Variants in SREBF1 observed in about 807,000 individuals in gnomAD.
The protein encoded by SREBF1 is sterol regulatory element binding transcription factor 1, also known as sterol regulatory element-binding protein 1.
A neutral mutation model predicts 100.1 loss-of-function variants in SREBF1; 45 were observed. That is an observed-to-expected ratio of 0.45 (90% CI 0.35 to 0.58). SREBF1 has a LOEUF of 0.58. Ranked by LOEUF, SREBF1 falls within the 20% of genes least tolerant of loss-of-function variation. The pLI, the probability that SREBF1 is intolerant of heterozygous loss-of-function variation, is 0.00. For synonymous variants in SREBF1, 657 were observed against 681.8 expected, an observed-to-expected ratio of 0.96 and a Z score of 0.57; for missense variants, 1,324 against 1,539.4, an observed-to-expected ratio of 0.86 and a Z score of 2.34.
chr17:17,816,988 A>T lies in SREBF1; in HGVS notation c.1755T>A (p.His585Gln). Residue 585 changes from histidine (H) to glutamine (Q), a missense_variant, in exon 9 of 19, where the codon CAT becomes CAA. His to Gln is a conservative substitution (Grantham distance 24). Transcript: ENST00000261646. The stretch of plus-strand genomic sequence containing the variant: ...CCAGGTCCAGGTCAGCCTGCTTGCG[A>T]TGCCTCCAGAAGTACACGGCGGGGC... Reference protein sequence around the residue: ...HSGPAVYFWRHRKQADLDLAR... With the variant: ...HSGPAVYFWRQRKQADLDLAR... 6 of 1,613,040 alleles carry T rather than the reference A, an allele frequency of 3.7e-6. No homozygotes were observed. The highest frequency in any genetic ancestry group is 5.1e-6 in the Non-Finnish European group (6 of 1,180,034).
intron 12 of SREBF1, 36 bp downstream of exon 12, chr17:17,815,824 G>A: frequency 3.8e-6 from 6 of 1,594,894 alleles, no homozygotes; most frequent in Non-Finnish European, 4.3e-6. Flanking sequence ...GAGGATGAGG[G>A]ACAGGAGAGG....
At chr17:17,815,156 G>T in intron 13 of SREBF1, 65 bp downstream of exon 13, 1 of 1,482,106 alleles carries the variant, frequency 6.7e-7, no homozygotes, top group Non-Finnish European at 9.4e-7. Flanking sequence ...CAGGGTTGAG[G>T]CCAGAGCTAT....
Position 17,814,903 on chromosome 17 carries a change from CTGT to C in SREBF1, c.2531_2533del (p.Asn844del). ...AGGAGCCCCCGCAGCATCAGAACAGCTGTTCAGCAGCTGCAGGTACCCGAGGGC... is the reference window on the plus strand; with the variant it reads ...AGGAGCCCCCGCAGCATCAGAACAGCTCAGCAGCTGCAGGTACCCGAGGGC... On this transcript the variant is annotated inframe_deletion, in exon 14 of 19. Coordinates refer to ENST00000261646, the MANE Select transcript of SREBF1 (RefSeq NM_004176.5). The C allele has an allele frequency of 6.3e-7, 1 of 1,580,724 alleles. No individual in the cohort carries two copies. The highest frequency in any genetic ancestry group is 8.6e-7 in the Non-Finnish European group (1 of 1,164,004).
intron 1 of SREBF1, among the ~76,000 whole-genome samples, chr17:17,836,451 G>A (rs2035242475): frequency 6.6e-6 from 1 of 152,168 alleles, no homozygotes; most frequent in Non-Finnish European, 1.5e-5. Flanking sequence ...CCCGGCCTGG[G>A]ACGCGTAGAG....
intron 1 of SREBF1, among the ~76,000 whole-genome samples, chr17:17,829,059 G>T (rs2143087324): frequency 6.6e-6 from 1 of 151,728 alleles, no homozygotes; most frequent in East Asian, 1.9e-4. Flanking sequence ...TGGGCGTGGT[G>T]GTATGTGCCT....
Position 17,816,226 on chromosome 17 carries a change from C to G in SREBF1, c.2195G>C (p.Arg732Pro). Reference sequence around the variant, plus strand: ...ACTCACTGTCAGAAAATGCAAGGCCCGTGGGAGACTGGTCTTCACTCTCAA... The same window carrying G: ...ACTCACTGTCAGAAAATGCAAGGCCGGTGGGAGACTGGTCTTCACTCTCAA... ...AALRVKTSLP[R>P]ALHFLTRFFL... The change falls in exon 11 of 19, where the codon CGG becomes CCG. Residue 732 changes from arginine (R) to proline (P), a missense_variant. Transcript: ENST00000261646. 1 of 1,060,874 alleles carries G rather than the reference C, an allele frequency of 9.4e-7. No homozygotes were observed. The highest frequency in any genetic ancestry group is 1.2e-6 in the Non-Finnish European group (1 of 850,718). The allele number at this position is 1,060,874 out of a possible 1,614,324, so 65.7% of individuals were successfully genotyped here.
chr17:17,825,405 CG>C (rs899027946), intron 1 of SREBF1, among the ~76,000 whole-genome samples: 103 of 142,612 alleles, frequency 7.2e-4, no homozygotes, highest in African/African-American at 2.2e-3. Context: ...GGGGGTGGGG[CG>C]GGGGGGGCCT....
rs934632184 is a variant in SREBF1, at chr17:17,824,935, C to A, written c.92-4414G>T. Among the ~76,000 whole-genome samples, 1 of 152,198 alleles carries A rather than the reference C, an allele frequency of 6.6e-6. No homozygotes were observed. Among genetic ancestry groups the A allele is most frequent in the Non-Finnish European group, 1.5e-5 (1 of 68,012 alleles). On this transcript the variant is annotated intron_variant, in intron 1 of 18. Transcript: ENST00000261646. This position sits in a 1 kb window ranked among gnomAD's most constrained non-coding sequence, Gnocchi z 4.2. ...GGTTCAAGGACAACAGACGGCCTCT[C>A]TAGCATGGCCCAACCCTCCCCTCAG...
intron 5 of SREBF1, 197 bp from the exon 6 acceptor site, chr17:17,818,571 G>T: frequency 1.6e-6 from 1 of 618,418 alleles, no homozygotes; most frequent in Non-Finnish European, 3.0e-6. Context: ...GGGTTAGAAT[G>T]TAAGATGCAG....
Position 17,811,614 on chromosome 17 carries a change from T to C in SREBF1, c.*1008A>G, listed in dbSNP as rs1011764045. 1 of 424,980 alleles carries C rather than the reference T, an allele frequency of 2.4e-6. No individual in the cohort carries two copies. Among genetic ancestry groups the C allele is most frequent in the Non-Finnish European group, 4.6e-6 (1 of 216,344 alleles). 26.3% of individuals were successfully genotyped at this position (424,980 alleles called of 1,614,324 possible). On this transcript the variant is annotated 3_prime_UTR_variant, in exon 19 of 19. Coordinates refer to ENST00000261646, the MANE Select transcript of SREBF1 (RefSeq NM_004176.5). The stretch of plus-strand genomic sequence containing the variant: ...ACCTCCCCCGCCCCTGTGCCCCCTC[T>C]CCAGTGTGGCGGCAGGTCGGGAGGG...
In SREBF1 at chr17:17,813,348, G is replaced by C. The variant is rs11653007; in HGVS notation, c.3214+20C>G. The C allele has an allele frequency of 0.056, 87,456 of 1,572,786 alleles. 2,663 individuals are homozygous for C. Among genetic ancestry groups the C allele is most frequent in the African/African-American group, 0.073 (5,404 of 74,058 alleles). The stretch of plus-strand genomic sequence containing the variant: ...CTGCTGAGCAGACAGCACATCCCTG[G>C]TCAGCAGCTGCCCCCTCACCTCCTT... On this transcript the variant is annotated intron_variant, in intron 18 of 18. Coordinates refer to ENST00000261646, the MANE Select transcript of SREBF1 (RefSeq NM_004176.5).
chr17:17,830,886 G>A (rs545980923), intron 1 of SREBF1, among the ~76,000 whole-genome samples: 2 of 152,238 alleles, frequency 1.3e-5, no homozygotes, highest in Non-Finnish European at 2.9e-5. Context: ...GGGTCAAAAG[G>A]CATGTCCACA....
intron 1 of SREBF1, among the ~76,000 whole-genome samples, chr17:17,826,469 G>A (rs533018650): frequency 6.6e-6 from 1 of 152,022 alleles, no homozygotes; most frequent in Non-Finnish European, 1.5e-5. Context: ...TGGGTGAACC[G>A]GGCTTCCCTA....
rs2033704893 is a variant in SREBF1 at position 17,817,401 on chromosome 17, G to C, written c.1461C>G (p.Arg487=). The change falls in exon 8 of 19, where the codon CGC becomes CGG. Residue 487 remains arginine, a synonymous_variant. Coordinates refer to ENST00000261646, the MANE Select transcript of SREBF1 (RefSeq NM_004176.5). The surrounding 1 kb of genome is among the most constrained non-coding windows in gnomAD (Gnocchi z 6.6). The part of the protein sequence containing the change: ...LHSRGMLDRS[R]LALCTLVFLC... Reference sequence around the variant, plus strand: ...GGAAGACGAGCGTGCACAGGGCCAGGCGGGAGCGGTCCAGCATGCCCCGGC... The same window carrying C: ...GGAAGACGAGCGTGCACAGGGCCAGCCGGGAGCGGTCCAGCATGCCCCGGC... The C allele has an allele frequency of 6.2e-7, 1 of 1,602,826 alleles. No homozygotes were observed. Among genetic ancestry groups the C allele is most frequent in the African/African-American group, 1.3e-5 (1 of 74,746 alleles).
chr17:17,824,669 C>G lies in SREBF1; in HGVS notation c.92-4148G>C, dbSNP rs9898044. On this transcript the variant is annotated intron_variant, in intron 1 of 18. Transcript: ENST00000261646. The surrounding 1 kb of genome is among the most constrained non-coding windows in gnomAD (Gnocchi z 4.2). The stretch of plus-strand genomic sequence containing the variant: ...AGTAGACCACCAGCAAAGCCTGCCT[C>G]TGCCCCAAACTGCAGGCCAGCGCCT... 0.017 allele frequency among the ~76,000 whole-genome samples: 2,522 copies of G among 152,300 alleles called. 76 individuals carry two copies. Among genetic ancestry groups the G allele is most frequent in the African/African-American group, 0.056 (2,312 of 41,558 alleles).
In SREBF1 at chr17:17,814,258, C is replaced by T; in HGVS notation, c.2888G>A (p.Ser963Asn). The change falls in exon 16 of 19, where the codon AGC becomes AAC. Residue 963 changes from serine to asparagine, a missense_variant. By Grantham distance (46) the Ser-to-Asn change is conservative (BLOSUM62 1). Transcript: ENST00000261646. ...CCCACCCCTCACCTTGTCAATGGAG[C>T]TGCTGGCTGGTGTGGTAGCCAGGCT... Reference protein sequence around the residue: ...QDSLATTPASSSIDKAVQLFL... With the variant: ...QDSLATTPASNSIDKAVQLFL... 6.2e-7 allele frequency: 1 copy of T among 1,606,242 alleles called. No homozygotes were observed. The highest frequency in any genetic ancestry group is 2.2e-5 in the East Asian group (1 of 44,792).
chr17:17,836,456 G>T (rs565252282), intron 1 of SREBF1, among the ~76,000 whole-genome samples: 1 of 152,290 alleles, frequency 6.6e-6, no homozygotes, highest in African/African-American at 2.4e-5. Context: ...CCTGGGACGC[G>T]TAGAGGCGCA....
intron 1 of SREBF1, among the ~76,000 whole-genome samples, chr17:17,821,152 T>TATAC (rs1555571693): frequency 1.3e-5 from 2 of 149,382 alleles, no homozygotes; most frequent in South Asian, 4.3e-4. Flanking sequence ...TCCACACACA[T>TATAC]ACACACACAC....
intron 1 of SREBF1, among the ~76,000 whole-genome samples, chr17:17,825,957 T>C (rs927809976): frequency 6.6e-6 from 1 of 152,082 alleles, no homozygotes; most frequent in Non-Finnish European, 1.5e-5. Context: ...AAAAGGAAAC[T>C]CTAGAGCCAG....
Sources: gnomAD v4.1 joint callset for allele counts (sites outside exome capture counted in the v4.1 genomes callset) on GRCh38, gnomAD v4.1.1 for gene constraint, Gnocchi (gnomAD v3.1) non-coding constraint, MANE v1.5 for transcripts, NCBI Gene and HGNC (gene_info 2026-07-23, HGNC 2026-07-21) for gene names.